EPAS1: variants seen among roughly 807,000 people sequenced by gnomAD.
The protein encoded by EPAS1 is endothelial PAS domain-containing protein 1.
A neutral mutation model predicts 87.9 loss-of-function variants in EPAS1; 23 were observed. That is an observed-to-expected ratio of 0.26 (90% CI 0.19 to 0.37). The LOEUF is 0.37. Among genes scored for constraint, EPAS1 ranks in the 10% least tolerant of loss-of-function variants. The pLI is 1.00. For synonymous variants in EPAS1, 508 were observed against 444.3 expected (o/e 1.14, Z -1.80); for missense variants, 1,138 against 1,120.7 (o/e 1.02, Z -0.22).
At chr2:46,341,166 T>C (rs2104866778) in intron 1 of EPAS1, among the ~76,000 whole-genome samples, 1 of 152,326 alleles carries the variant, frequency 6.6e-6, no homozygotes, top group South Asian at 2.1e-4. Context: ...TTTTTGTCAC[T>C]CCTTTGGAAT....
intron 11 of EPAS1, chr2:46,379,617 G>A (rs72887438): frequency 0.018 from 2,764 of 150,022 alleles, 78 homozygotes; most frequent in African/African-American, 0.062. Flanking sequence ...ACTGTTTTCC[G>A]CATCTGCTTG....
rs998838683 is a variant in EPAS1, at chr2:46,376,549, A to C, written c.1045A>C (p.Lys349Gln). The part of the protein sequence containing the change: ...CVNYVLSEIE[K>Q]NDVVFSMDQT... Reference sequence around the variant, plus strand: ...TTTCCCCCCCATTAGTGAGATTGAGAAGAATGACGTGGTGTTCTCCATGGA... The same window carrying C: ...TTTCCCCCCCATTAGTGAGATTGAGCAGAATGACGTGGTGTTCTCCATGGA... The change falls in exon 9 of 16, where the codon AAG (lysine) becomes CAG (glutamine). Residue 349 changes from lysine (K) to glutamine (Q), a missense_variant. By Grantham distance (53) the Lys-to-Gln change is moderately conservative (BLOSUM62 1). Around this residue, in one of 4 missense-constraint regions of EPAS1, gnomAD observed 284 missense variants for 258.4 expected, o/e 1.10. Transcript: ENST00000263734. 4 of 1,613,946 alleles carry C rather than the reference A, an allele frequency of 2.5e-6. No homozygotes were observed. Among genetic ancestry groups the C allele is most frequent in the Non-Finnish European group, 3.4e-6 (4 of 1,179,972 alleles).
chr2:46,337,963 G>A (rs1572627611), intron 1 of EPAS1, among the ~76,000 whole-genome samples: 1 of 152,184 alleles, frequency 6.6e-6, no homozygotes, highest in Non-Finnish European at 1.5e-5. Flanking sequence ...GGTGGCCAGC[G>A]TGTCTCACTT....
chr2:46,381,026 A>G (rs1684878078), intron 12 of EPAS1, among the ~76,000 whole-genome samples: 1 of 152,182 alleles, frequency 6.6e-6, no homozygotes, highest in Non-Finnish European at 1.5e-5. Flanking sequence ...TCTGAGCCAC[A>G]CAGAAAATTG....
At position 46,375,905 on chromosome 2, in the gene EPAS1, G is replaced by C. The variant is rs1000362804; in HGVS notation, c.1034+68G>C. On this transcript the variant is annotated intron_variant, in intron 8 of 15. Coordinates refer to ENST00000263734, the MANE Select transcript of EPAS1 (RefSeq NM_001430.5). The surrounding 1 kb of genome is among the most constrained non-coding windows in gnomAD (Gnocchi z 4.1). Reference sequence around the variant, plus strand: ...GGGGTGCCCAAGCTTCCCAGACTCAGGATGACAGGCCTAGGAGATGCCAGG... The same window carrying C: ...GGGGTGCCCAAGCTTCCCAGACTCACGATGACAGGCCTAGGAGATGCCAGG... The C allele has an allele frequency of 3.1e-6, 5 of 1,608,168 alleles. No homozygotes were observed. In the African/African-American group the frequency reaches 6.7e-5, roughly 21 times the overall value.
intron 1 of EPAS1, 72 bp downstream of exon 1, chr2:46,298,009 CGA>C (rs1486533624): frequency 6.3e-7 from 1 of 1,576,718 alleles, no homozygotes; most frequent in African/African-American, 1.3e-5. Flanking sequence ...CAGGCGCGAC[CGA>C]GAGTGGTTGG....
At chr2:46,335,627 GAGGGTTAATTTT>G (rs1683774691) in intron 1 of EPAS1, 1 of 152,084 alleles carries the variant, frequency 6.6e-6, no homozygotes, top group African/African-American at 2.4e-5. Flanking sequence ...CTGTAAATTT[GAGGGTTAATTTT>G]AGTTCGGTGT....
At chr2:46,325,299 G>A (rs1475623164) in intron 1 of EPAS1, among the ~76,000 whole-genome samples, 1 of 152,222 alleles carries the variant, frequency 6.6e-6, no homozygotes, top group Non-Finnish European at 1.5e-5. Context: ...TCCTTTTGGG[G>A]AGAGAACTGT....
At chr2:46,326,793 A>G (rs188152658) in intron 1 of EPAS1, among the ~76,000 whole-genome samples, 6 of 152,324 alleles carry the variant, frequency 3.9e-5, no homozygotes, top group African/African-American at 7.2e-5. Flanking sequence ...TACTCAAGAC[A>G]GGAGATAGTA....
At chr2:46,382,834 C>T (rs1224678331) in intron 15 of EPAS1, among the ~76,000 whole-genome samples, 2 of 152,162 alleles carry the variant, frequency 1.3e-5, no homozygotes, top group Non-Finnish European at 2.9e-5. Context: ...AAAACTCAAA[C>T]TCAGGCTAGA....
At position 46,360,182 on chromosome 2, in the gene EPAS1, C is replaced by T. The variant is rs546807474; in HGVS notation, c.455-456C>T. Among the ~76,000 whole-genome samples, 93 of 152,146 alleles carry T rather than the reference C, an allele frequency of 6.1e-4. No individual in the cohort carries two copies. The highest frequency in any genetic ancestry group is 1.1e-3 in the Non-Finnish European group (75 of 68,024). On this transcript the variant is annotated intron_variant, in intron 4 of 15. Coordinates refer to ENST00000263734, the MANE Select transcript of EPAS1 (RefSeq NM_001430.5). This position sits in a 1 kb window ranked among gnomAD's most constrained non-coding sequence, Gnocchi z 4.5. ...TGAGAGACAGGTTATAAAGGAAAGA[C>T]GGGAGTGTCGGAGAGACATTTCTAA...
intron 6 of EPAS1, among the ~76,000 whole-genome samples, chr2:46,368,215 C>T (rs1411487183): frequency 8.5e-5 from 13 of 152,102 alleles, no homozygotes; most frequent in Admixed American, 5.9e-4. Context: ...TCACGAGAGA[C>T]GTTGTGCTGG....
At chr2:46,321,315 G>T (rs907110583) in intron 1 of EPAS1, among the ~76,000 whole-genome samples, 1 of 152,072 alleles carries the variant, frequency 6.6e-6, no homozygotes, top group Admixed American at 6.6e-5. Flanking sequence ...TCCACCTTTG[G>T]GTGTTGTGAA....
intron 2 of EPAS1, among the ~76,000 whole-genome samples, chr2:46,349,933 ATTTCTC>A (rs1162690407): frequency 6.6e-6 from 1 of 152,196 alleles, no homozygotes; most frequent in East Asian, 1.9e-4. Flanking sequence ...TGTAGTAAAA[ATTTCTC>A]TTTGAGCTTT....
intron 14 of EPAS1, 71 bp from the exon 15 acceptor site, chr2:46,382,354 T>TG: frequency 6.3e-7 from 1 of 1,581,456 alleles, no homozygotes; most frequent in East Asian, 2.2e-5. Flanking sequence ...AGGAAAGGGA[T>TG]GCTAGGGCTT....
At chr2:46,314,900 C>G (rs1023921789) in intron 1 of EPAS1, among the ~76,000 whole-genome samples, 2 of 152,124 alleles carry the variant, frequency 1.3e-5, no homozygotes, top group Non-Finnish European at 2.9e-5. Flanking sequence ...GGTGGGCTGC[C>G]CAGTGGTTTC....
intron 1 of EPAS1, among the ~76,000 whole-genome samples, chr2:46,325,370 G>A (rs1683534850): frequency 6.6e-6 from 1 of 152,216 alleles, no homozygotes; most frequent in Admixed American, 6.5e-5. Flanking sequence ...GAAAAATTCT[G>A]CCGATGTGGG....
chr2:46,339,378 G>T (rs1434052733), intron 1 of EPAS1, among the ~76,000 whole-genome samples: 4 of 152,230 alleles, frequency 2.6e-5, no homozygotes, highest in Admixed American at 2.6e-4. Context: ...TTCTAATCGT[G>T]CCACATGGCC....
At position 46,376,671 on chromosome 2, in the gene EPAS1, A is replaced by G. The variant is rs908842099; in HGVS notation, c.1167A>G (p.Leu389=). The part of the protein sequence containing the change: ...KGAVSEKSNF[L]FTKLKEEPEE... ...CTGTGTCTGAGAAGAGTAACTTCCT[A>G]TTCACCAAGCTAAAGGAGGAGCCCG... is the stretch of plus-strand genomic sequence containing the variant. The change falls in exon 9 of 16, where the codon CTA becomes CTG. Residue 389 remains leucine (L), a synonymous_variant. Transcript: ENST00000263734. 5 of 1,613,952 alleles carry G rather than the reference A, an allele frequency of 3.1e-6. No individual in the cohort carries two copies. In the South Asian group the frequency reaches 5.5e-5, roughly 18 times the overall value.
Sources: gnomAD v4.1 joint callset for allele counts (sites outside exome capture counted in the v4.1 genomes callset) on GRCh38, gnomAD v4.1.1 for gene constraint, gnomAD v4.1.1 regional missense constraint, Gnocchi (gnomAD v3.1) non-coding constraint, MANE v1.5 for transcripts, NCBI Gene and HGNC (gene_info 2026-07-23, HGNC 2026-07-21) for gene names.